The following GRB2 variants were observed in gnomAD, a reference collection of about 807,000 sequenced individuals.
The protein encoded by GRB2 is growth factor receptor bound protein 2.
In GRB2, 2 loss-of-function variants were observed where a neutral mutation model predicts 27.4. That is an observed-to-expected ratio of 0.07 (90% CI 0.03 to 0.23). The LOEUF (loss-of-function observed/expected upper bound fraction) is 0.23, where lower values mean the gene tolerates loss of function less well. Among genes scored for constraint, GRB2 ranks in the 10% least tolerant of loss-of-function variants. The pLI is 1.00. For synonymous variants in GRB2, 94 were observed against 99.6 expected, an observed-to-expected ratio of 0.94 and a Z score of 0.33; for missense variants, 102 against 282.4, an observed-to-expected ratio of 0.36 and a Z score of 4.58.
chr17:75,348,543 G>A (rs903131466), intron 2 of GRB2, among the ~76,000 whole-genome samples: 1 of 152,158 alleles, frequency 6.6e-6, no homozygotes, highest in African/African-American at 2.4e-5. Context: ...TAAAAGGCAT[G>A]GTCCCTGCCC....
chr17:75,338,120 G>C (rs1168643965), intron 2 of GRB2, among the ~76,000 whole-genome samples: 4 of 151,926 alleles, frequency 2.6e-5, no homozygotes, highest in African/African-American at 7.3e-5. Flanking sequence ...AGCAGAGATG[G>C]GGTTTCACCA....
intron 2 of GRB2, among the ~76,000 whole-genome samples, chr17:75,353,988 C>T (rs889164944): frequency 1.2e-4 from 18 of 150,440 alleles, no homozygotes; most frequent in East Asian, 4.1e-4. Flanking sequence ...TGCAGTGAGC[C>T]GAGATCACAC....
chr17:75,362,499 C>T (rs2078790021), intron 2 of GRB2, among the ~76,000 whole-genome samples: 1 of 152,090 alleles, frequency 6.6e-6, no homozygotes. Flanking sequence ...AAGTTGGGAG[C>T]CAAAAGATAT....
rs772698801 is a variant in GRB2 at position 75,320,471 on chromosome 17, T to C, written c.551A>G (p.His184Arg). The C allele has an allele frequency of 3.7e-6, 6 of 1,613,890 alleles. No homozygotes were observed. Among genetic ancestry groups the C allele is most frequent in the Non-Finnish European group, 5.1e-6 (6 of 1,179,892 alleles). The change falls in exon 6 of 6, where the codon CAT becomes CGT. Residue 184 changes from histidine to arginine, a missense_variant. Physicochemically the swap from His to Arg is conservative, Grantham distance 29. This residue lies in a region of GRB2 where 57 missense variants were observed against 152.9 expected (regional missense o/e 0.37). Coordinates refer to ENST00000316804, the MANE Select transcript of GRB2 (RefSeq NM_002086.5). This position sits in a 1 kb window ranked among gnomAD's most constrained non-coding sequence, Gnocchi z 4.3. ...GTTGGGGTCTGAGTTATCCATGACATGGATAAAATCTCCCCGGCGGAAGCC... is the reference window on the plus strand; with the variant it reads ...GTTGGGGTCTGAGTTATCCATGACACGGATAAAATCTCCCCGGCGGAAGCC... ...ELGFRRGDFIHVMDNSDPNWW... is the reference protein window; with the variant it reads ...ELGFRRGDFIRVMDNSDPNWW...
intron 1 of GRB2, among the ~76,000 whole-genome samples, chr17:75,397,990 C>T (rs557961526): frequency 4.6e-5 from 7 of 151,950 alleles, no homozygotes; most frequent in East Asian, 1.9e-4. Flanking sequence ...TACAGGTGCG[C>T]GCCACCAAGC....
At chr17:75,404,411 G>A (rs990878165) in intron 1 of GRB2, among the ~76,000 whole-genome samples, 1 of 151,922 alleles carries the variant, frequency 6.6e-6, no homozygotes, top group Admixed American at 6.6e-5. Flanking sequence ...AGCAAGGAAA[G>A]AGAGTCTCTT....
At chr17:75,334,470 C>T (rs1396018122) in intron 2 of GRB2, among the ~76,000 whole-genome samples, 1 of 152,062 alleles carries the variant, frequency 6.6e-6, no homozygotes, top group Admixed American at 6.6e-5. Context: ...CGTGCCCAGC[C>T]GATTTATTTA....
chr17:75,379,748 CT>C (rs1487587361), intron 2 of GRB2, among the ~76,000 whole-genome samples: 4 of 152,142 alleles, frequency 2.6e-5, no homozygotes, highest in South Asian at 2.1e-4. Flanking sequence ...AATTTCAGAT[CT>C]TTGTCTTTTA....
At chr17:75,365,194 T>C (rs1157126790) in intron 2 of GRB2, among the ~76,000 whole-genome samples, 1 of 152,150 alleles carries the variant, frequency 6.6e-6, no homozygotes, top group African/African-American at 2.4e-5. Context: ...CTCCATCTGC[T>C]GCCCACCCAG....
intron 4 of GRB2, among the ~76,000 whole-genome samples, chr17:75,324,752 GAA>G (rs138262376): frequency 0.043 from 6,543 of 151,998 alleles, 198 homozygotes; most frequent in Non-Finnish European, 0.062. Context: ...TTTTGAAATG[GAA>G]AAGTCTCACG....
At chr17:75,343,845 G>A (rs1295483554) in intron 2 of GRB2, among the ~76,000 whole-genome samples, 1 of 152,222 alleles carries the variant, frequency 6.6e-6, no homozygotes, top group Non-Finnish European at 1.5e-5. Context: ...AGGAGAGGAA[G>A]GGAGGGGGCA....
chr17:75,327,358 C>A (rs2078505554), intron 3 of GRB2, among the ~76,000 whole-genome samples: 1 of 151,258 alleles, frequency 6.6e-6, no homozygotes, highest in African/African-American at 2.4e-5. Context: ...GGATTACAGG[C>A]ATGAGCCACT....
chr17:75,328,624 A>G (rs2078516914), intron 3 of GRB2, among the ~76,000 whole-genome samples: 1 of 151,536 alleles, frequency 6.6e-6, no homozygotes, highest in Non-Finnish European at 1.5e-5. Context: ...CCTGGGCAAC[A>G]AGAGTGAAAC....
chr17:75,366,245 C>T (rs749378015), intron 2 of GRB2, among the ~76,000 whole-genome samples: 3 of 152,060 alleles, frequency 2.0e-5, no homozygotes, highest in Non-Finnish European at 2.9e-5. Flanking sequence ...TTCAACGTTT[C>T]GATTATGTGA....
At chr17:75,396,572 G>T (rs1387797874) in intron 1 of GRB2, among the ~76,000 whole-genome samples, 1 of 152,026 alleles carries the variant, frequency 6.6e-6, no homozygotes, top group Non-Finnish European at 1.5e-5. Context: ...TGTAAAATGA[G>T]AATAATATCT....
chr17:75,374,981 A>C (rs2078882779), intron 2 of GRB2, among the ~76,000 whole-genome samples: 1 of 152,118 alleles, frequency 6.6e-6, no homozygotes, highest in African/African-American at 2.4e-5. Flanking sequence ...CTGCATCCTC[A>C]AACTCCTGAA....
intron 2 of GRB2, among the ~76,000 whole-genome samples, chr17:75,370,166 G>A (rs979683339): frequency 2.0e-5 from 3 of 152,188 alleles, no homozygotes; most frequent in Non-Finnish European, 4.4e-5. Flanking sequence ...GGTCATTGAT[G>A]CAACGTTCAA....
At chr17:75,336,458 T>G (rs2078577512) in intron 2 of GRB2, among the ~76,000 whole-genome samples, 1 of 152,196 alleles carries the variant, frequency 6.6e-6, no homozygotes, top group Non-Finnish European at 1.5e-5. Flanking sequence ...AAGGGACACT[T>G]TTGATTTGTG....
chr17:75,388,728 G>T (rs9909076), intron 2 of GRB2, among the ~76,000 whole-genome samples: 100,307 of 151,722 alleles, frequency 0.66, 38,133 homozygotes, highest in East Asian at 0.91. Flanking sequence ...AGGCTTGCAC[G>T]AGCATGCCTG....
Sources: allele counts gnomAD v4.1 joint callset (sites outside exome capture counted in the v4.1 genomes callset), GRCh38; gene constraint gnomAD v4.1.1; regional missense constraint gnomAD v4.1.1; non-coding constraint Gnocchi (gnomAD v3.1); transcripts MANE v1.5; gene names NCBI Gene and HGNC (gene_info 2026-07-23, HGNC 2026-07-21).